The following SYNPO variants were observed in gnomAD, a reference collection of about 807,000 sequenced individuals.
The protein encoded by SYNPO is synaptopodin.
A neutral mutation model predicts 49.5 loss-of-function variants in SYNPO; 19 were observed. That is an observed-to-expected ratio of 0.38 (90% CI 0.27 to 0.56). The LOEUF (loss-of-function observed/expected upper bound fraction) is 0.56, where lower values mean the gene tolerates loss of function less well. Ranked by LOEUF, SYNPO falls within the 20% of genes least tolerant of loss-of-function variation. The pLI is 0.68. For synonymous variants in SYNPO, 536 were observed against 548.0 expected (o/e 0.98, Z 0.31); for missense variants, 1,131 against 1,248.3 (o/e 0.91, Z 1.42).
intron 2 of SYNPO, 112 bp from the exon 3 acceptor site, chr5:150,656,292 G>A (rs1237220252): frequency 1.2e-6 from 1 of 869,488 alleles, no homozygotes; most frequent in Non-Finnish European, 1.7e-6. Context: ...GACTTGGATC[G>A]GTGGCTTCCC....
intron 1 of SYNPO, among the ~76,000 whole-genome samples, chr5:150,603,048 T>C (rs551730196): frequency 7.5e-6 from 1 of 132,804 alleles, no homozygotes; most frequent in African/African-American, 3.2e-5. Flanking sequence ...GTGTGGTGTA[T>C]GCTGTGAGTG....
At chr5:150,620,981 T>C (rs112198776) in intron 2 of SYNPO, among the ~76,000 whole-genome samples, 12,731 of 146,094 alleles carry the variant, frequency 0.087, 1,489 homozygotes, top group East Asian at 0.25. Context: ...GAGATGGTAT[T>C]TTGCTCTGTC....
intron 1 of SYNPO, among the ~76,000 whole-genome samples, chr5:150,645,412 C>T (rs1467225562): frequency 6.6e-6 from 1 of 152,206 alleles, no homozygotes; most frequent in Non-Finnish European, 1.5e-5. Flanking sequence ...CTGATCCATC[C>T]ACCTGTCTGT....
rs1758216462 is a variant in SYNPO, at chr5:150,648,790, G to C, written c.515G>C (p.Arg172Thr). The C allele has an allele frequency of 6.2e-7, 1 of 1,614,106 alleles. No individual in the cohort carries two copies. The highest frequency in any genetic ancestry group is 1.3e-5 in the African/African-American group (1 of 74,950). The change falls in exon 2 of 3, where the codon AGA becomes ACA. Residue 172 changes from arginine to threonine, a missense_variant. Around this residue, in one of 4 missense-constraint regions of SYNPO, gnomAD observed 602 missense variants for 720.7 expected, o/e 0.84. Coordinates refer to ENST00000307662, the MANE Select transcript of SYNPO (RefSeq NM_007286.6). The surrounding 1 kb of genome is among the most constrained non-coding windows in gnomAD (Gnocchi z 5.0). ...GCTACCACCACCAGCACCTTCTCCA[G>C]AGAAGCTACGCTCATCCCCAGCTCC... ...TPATTTSTFS[R>T]EATLIPSSRP...
At chr5:150,643,131 A>T (rs980887278) in intron 1 of SYNPO, among the ~76,000 whole-genome samples, 1 of 152,214 alleles carries the variant, frequency 6.6e-6, no homozygotes, top group African/African-American at 2.4e-5. Flanking sequence ...GGAGTAATCA[A>T]ACACTGAAGT....
chr5:150,631,040 A>T (rs977673175), intron 2 of SYNPO, among the ~76,000 whole-genome samples: 3 of 152,182 alleles, frequency 2.0e-5, no homozygotes, highest in African/African-American at 7.2e-5. Context: ...TAATTGTGCA[A>T]ATCCCAATCC....
exon 2 of SYNPO, chr5:150,618,346 A>G: frequency 6.5e-7 from 1 of 1,534,932 alleles, no homozygotes; most frequent in Non-Finnish European, 8.8e-7. Flanking sequence ...GCTTCCCTGC[A>G]TCGCTGAGGA....
rs770697443 is a variant in SYNPO, at chr5:150,648,287, C to T, written c.12C>T (p.Tyr4=). 1.4e-5 allele frequency: 22 copies of T among 1,614,082 alleles called. No individual in the cohort carries two copies. The highest frequency in any genetic ancestry group is 1.8e-5 in the Non-Finnish European group (21 of 1,180,046). ...TCCCTGGCCACAGCATGGAGGGGTA[C>T]TCAGAGGAGGCTAGCTTGCTGCGGC... The part of the protein sequence containing the change: MEG[Y]SEEASLLRHL... Residue 4 remains tyrosine, a synonymous_variant, in exon 2 of 3, where the codon TAC becomes TAT. Coordinates refer to ENST00000307662, the MANE Select transcript of SYNPO (RefSeq NM_007286.6). The surrounding 1 kb of genome is among the most constrained non-coding windows in gnomAD (Gnocchi z 5.0).
the SYNPO span, among the ~76,000 whole-genome samples, chr5:150,588,401 G>A: frequency 1.3e-5 from 2 of 152,204 alleles, no homozygotes; most frequent in Non-Finnish European, 2.9e-5. Flanking sequence ...AGCCTCTGAA[G>A]CTGGGGGTGT....
intron 2 of SYNPO, among the ~76,000 whole-genome samples, chr5:150,620,522 AG>A (rs1757118316): frequency 6.6e-6 from 1 of 152,248 alleles, no homozygotes; most frequent in Admixed American, 6.5e-5. Context: ...GCCATGATCC[AG>A]TCATGGTTTT....
the SYNPO span, among the ~76,000 whole-genome samples, chr5:150,588,495 G>A: frequency 6.6e-6 from 1 of 152,176 alleles, no homozygotes; most frequent in Non-Finnish European, 1.5e-5. Context: ...TCCACATGTT[G>A]GGAAGGGAAG....
chr5:150,640,578 C>A, upstream of SYNPO: 1 of 900,546 alleles, frequency 1.1e-6, no homozygotes, highest in Non-Finnish European at 1.3e-6. Context: ...ATGAATCTGG[C>A]AGCGTGGGGC....
Position 150,656,718 on chromosome 5 carries a change from G to A in SYNPO, c.2343G>A (p.Arg781=). The A allele has an allele frequency of 3.6e-6, 5 of 1,393,912 alleles. No homozygotes were observed. Among genetic ancestry groups the A allele is most frequent in the East Asian group, 3.1e-5 (1 of 32,320 alleles). The allele number at this position is 1,393,912 out of a possible 1,614,324, so 86.3% of individuals were successfully genotyped here. The change falls in exon 3 of 3, where the codon CGG becomes CGA. Residue 781 remains arginine (R), a synonymous_variant. Coordinates refer to ENST00000307662, the MANE Select transcript of SYNPO (RefSeq NM_007286.6). ...SPRSAGAENP[R]PFSPPRAPPP... ...GGTCGGCGGGCGCCGAGAACCCGCG[G>A]CCCTTCTCCCCGCCGAGGGCGCCAC... is the stretch of plus-strand genomic sequence containing the variant.
chr5:150,651,416 G>A (rs1043641197), intron 2 of SYNPO: 2 of 1,000,500 alleles, frequency 2.0e-6, no homozygotes, highest in Non-Finnish European at 2.4e-6. Context: ...TGAGGATTGA[G>A]AGGATAGGCT....
chr5:150,603,000 GT>G lies in SYNPO; in HGVS notation c.-266+1813del, dbSNP rs1561629751. On this transcript the variant is annotated intron_variant, in intron 1 of 2. Coordinates refer to the SYNPO transcript ENST00000394243. ...GAAAGCCCAGTTGCCACCTTAGGGT[GT>G]GTGTGTGTGTGTGTGTGTGTGTGTG... Among the ~76,000 whole-genome samples the G allele has an allele frequency of 1.7e-3, 209 of 122,262 alleles. 1 individual carries two copies. Among genetic ancestry groups the G allele is most frequent in the African/African-American group, 6.7e-3 (203 of 30,170 alleles). The allele number at this position is 122,262 out of a possible 152,430, so 80.2% of individuals were successfully genotyped here.
At chr5:150,643,602 T>A (rs893251620) in intron 1 of SYNPO, among the ~76,000 whole-genome samples, 5 of 152,182 alleles carry the variant, frequency 3.3e-5, no homozygotes, top group Non-Finnish European at 7.3e-5. Context: ...TGGCGTGATC[T>A]CGGCTCACCG....
In SYNPO at chr5:150,659,167, G is replaced by A. The variant is rs1442749160; in HGVS notation, c.*2080G>A. On this transcript the variant is annotated 3_prime_UTR_variant, in exon 3 of 3. Coordinates refer to ENST00000307662, the MANE Select transcript of SYNPO (RefSeq NM_007286.6). ...GCCTGTGTCCTGCCTCTTGCCTCTT[G>A]TAGAATGCAGCTCTGGCCCTCAATA... The A allele has an allele frequency of 6.6e-6, 1 of 152,462 alleles. No individual in the cohort carries two copies. The highest frequency in any genetic ancestry group is 1.5e-5 in the Non-Finnish European group (1 of 68,114). 9.4% of individuals were successfully genotyped at this position (152,462 alleles called of 1,614,324 possible).
At chr5:150,650,916 C>T in intron 2 of SYNPO, 2 of 1,255,800 alleles carry the variant, frequency 1.6e-6, no homozygotes, top group Non-Finnish European at 2.0e-6. Context: ...AGAGCTTTGC[C>T]TCGCCTCCGC....
At chr5:150,592,368 G>T in the SYNPO span, among the ~76,000 whole-genome samples, 1 of 151,966 alleles carries the variant, frequency 6.6e-6, no homozygotes, top group Non-Finnish European at 1.5e-5. Context: ...GCTGAATCTG[G>T]CAACCCCACC....
Sources: allele counts gnomAD v4.1 joint callset (sites outside exome capture counted in the v4.1 genomes callset), GRCh38; gene constraint gnomAD v4.1.1; regional missense constraint gnomAD v4.1.1; non-coding constraint Gnocchi (gnomAD v3.1); transcripts MANE v1.5; gene names NCBI Gene and HGNC (gene_info 2026-07-23, HGNC 2026-07-21).